Variants in ZFHX4 observed in about 807,000 individuals in gnomAD.
The protein encoded by ZFHX4 is zinc finger homeobox 4.
In ZFHX4, 56 loss-of-function variants were observed where a neutral mutation model predicts 267.6. That is an observed-to-expected ratio of 0.21 (90% CI 0.17 to 0.26). ZFHX4 has a LOEUF of 0.26. ZFHX4 is among the 10% of genes least tolerant of loss of function. The pLI, the probability that ZFHX4 is intolerant of heterozygous loss-of-function variation, is 1.00. For synonymous variants in ZFHX4, 1,778 were observed against 1,665.6 expected (o/e 1.07, Z -1.64); for missense variants, 4,332 against 4,420.0 (o/e 0.98, Z 0.56).
rs372114316 is a variant in ZFHX4 at position 76,852,930 on chromosome 8, G to A, written c.6009G>A (p.Pro2003=). 56 of 1,591,514 alleles carry A rather than the reference G, an allele frequency of 3.5e-5. No homozygotes were observed. The highest frequency in any genetic ancestry group is 4.2e-5 in the Non-Finnish European group (49 of 1,168,480). Residue 2003 remains proline (P), a synonymous_variant, in exon 10 of 11, where the codon CCG becomes CCA. Coordinates refer to ENST00000651372, the MANE Select transcript of ZFHX4 (RefSeq NM_024721.5). ...YPISPSSPET[P]PPPPPPPPLP... is the part of the protein sequence containing the mutation. ...TTTCTCCATCTTCTCCAGAAACGCC[G>A]CCCCCGCCACCTCCTCCTCCTCCCT...
intron 3 of ZFHX4, among the ~76,000 whole-genome samples, chr8:76,755,831 G>T (rs1809745884): frequency 1.3e-5 from 2 of 152,074 alleles, no homozygotes; most frequent in African/African-American, 4.8e-5. Context: ...TACAGTGTAT[G>T]TGGTTAAGCT....
At chr8:76,774,375 G>A (rs1167277200) in intron 3 of ZFHX4, among the ~76,000 whole-genome samples, 2 of 152,070 alleles carry the variant, frequency 1.3e-5, no homozygotes, top group Non-Finnish European at 2.9e-5. Context: ...AAAAATAGAC[G>A]TTCTTAAATT....
At chr8:76,738,520 A>T (rs983347043) in intron 3 of ZFHX4, among the ~76,000 whole-genome samples, 1 of 152,100 alleles carries the variant, frequency 6.6e-6, no homozygotes, top group Non-Finnish European at 1.5e-5. Flanking sequence ...CTTAATTTAG[A>T]ATATTCATTG....
Position 76,855,010 on chromosome 8 carries a change from C to T in ZFHX4, c.8089C>T (p.Arg2697Trp). Residue 2697 changes from arginine (R) to tryptophan (W), a missense_variant, in exon 10 of 11, where the codon CGG becomes TGG. Transcript: ENST00000651372. ...GGCCTTAGAAAGCCACATTCGCTCT[C>T]GGCACTGGAATGAAGGAAAGCAGGC... ...KSALESHIRSRHWNEGKQAGY... is the reference protein window; with the variant it reads ...KSALESHIRSWHWNEGKQAGY... 1.2e-6 allele frequency: 2 copies of T among 1,613,946 alleles called. No homozygotes were observed. The highest frequency in any genetic ancestry group is 1.7e-6 in the Non-Finnish European group (2 of 1,179,874).
At position 76,853,908 on chromosome 8, in the gene ZFHX4, G is replaced by A. The variant is rs748940445; in HGVS notation, c.6987G>A (p.Thr2329=). The change falls in exon 10 of 11, where the codon ACG becomes ACA. Residue 2329 remains threonine, a synonymous_variant. Transcript: ENST00000651372. ...TCCCCAGGATCTTTGACTTGATTACGCATCAGAAAAAGCAGTGTTACAAGG... is the reference window on the plus strand; with the variant it reads ...TCCCCAGGATCTTTGACTTGATTACACATCAGAAAAAGCAGTGTTACAAGG... ...VVFPRIFDLI[T]HQKKQCYKDE... is the part of the protein sequence containing the mutation. 5 of 1,613,738 alleles carry A rather than the reference G, an allele frequency of 3.1e-6. No individual in the cohort carries two copies. Among genetic ancestry groups the A allele is most frequent in the African/African-American group, 1.3e-5 (1 of 74,892 alleles).
Position 76,759,272 on chromosome 8 carries a change from TA to T in ZFHX4, c.3094-18928del, listed in dbSNP as rs201480322. ...ACATGATTTTATAAAGTAAAGGTGA[TA>T]AAAAAAATCTATTCCCCCGTTTGCT... On this transcript the variant is annotated intron_variant, in intron 3 of 10. Transcript: ENST00000651372. Among the ~76,000 whole-genome samples the T allele has an allele frequency of 6.6e-5, 10 of 152,214 alleles. No homozygotes were observed. In the South Asian group the frequency reaches 2.1e-3, roughly 32 times the overall value.
chr8:76,866,264 T>C lies in ZFHX4; in HGVS notation c.*1699T>C, dbSNP rs1813025156. 1 of 152,638 alleles carries C rather than the reference T, an allele frequency of 6.6e-6. No individual in the cohort carries two copies. Among genetic ancestry groups the C allele is most frequent in the Admixed American group, 6.5e-5 (1 of 15,268 alleles). 9.5% of individuals were successfully genotyped at this position (152,638 alleles called of 1,614,324 possible). On this transcript the variant is annotated 3_prime_UTR_variant, in exon 11 of 11. Coordinates refer to ENST00000651372, the MANE Select transcript of ZFHX4 (RefSeq NM_024721.5). ...AATGTATTGCTTTTGATATTTCTCT[T>C]CCGAGATGAACAAGTAGCATGTAAT...
In ZFHX4 at chr8:76,724,301, A is replaced by C. The variant is rs551199650; in HGVS notation, c.3093+16253A>C. ...TGATTATGCTAATCTTAGCTCCATT[A>C]GCATCTGTTCCTCTCTTCTTCAGAA... is the stretch of plus-strand genomic sequence containing the variant. On this transcript the variant is annotated intron_variant, in intron 3 of 10. Transcript: ENST00000651372. 4.6e-5 allele frequency among the ~76,000 whole-genome samples: 7 copies of C among 152,126 alleles called. No individual in the cohort carries two copies. The South Asian group carries it at 8.3e-4, about 18-fold the overall frequency.
chr8:76,768,209 T>G (rs1810102056), intron 3 of ZFHX4, among the ~76,000 whole-genome samples: 1 of 152,174 alleles, frequency 6.6e-6, no homozygotes, highest in Non-Finnish European at 1.5e-5. Flanking sequence ...TTCTGGCACA[T>G]AGAGAGCAAA....
At position 76,865,425 on chromosome 8, in the gene ZFHX4, G is replaced by T. The variant is rs1203068073; in HGVS notation, c.*860G>T. 1 of 152,362 alleles carries T rather than the reference G, an allele frequency of 6.6e-6. No individual in the cohort carries two copies. The highest frequency in any genetic ancestry group is 1.9e-4 in the East Asian group (1 of 5,184). The allele number at this position is 152,362 out of a possible 1,614,324, so 9.4% of individuals were successfully genotyped here. Reference sequence around the variant, plus strand: ...TCATTTGTGAATTTAATGCTATACTGTCAAGGTACTTGCTTGTGTCTGAAC... The same window carrying T: ...TCATTTGTGAATTTAATGCTATACTTTCAAGGTACTTGCTTGTGTCTGAAC... On this transcript the variant is annotated 3_prime_UTR_variant, in exon 11 of 11. Coordinates refer to ENST00000651372, the MANE Select transcript of ZFHX4 (RefSeq NM_024721.5).
At chr8:76,792,420 C>G (rs1810861525) in intron 4 of ZFHX4, among the ~76,000 whole-genome samples, 1 of 152,084 alleles carries the variant, frequency 6.6e-6, no homozygotes, top group East Asian at 1.9e-4. Flanking sequence ...ATTTGTGCCT[C>G]AAGGAGCAAA....
intron 1 of ZFHX4, among the ~76,000 whole-genome samples, chr8:76,688,926 T>C (rs1163020482): frequency 6.6e-6 from 1 of 152,192 alleles, no homozygotes; most frequent in Middle Eastern, 3.4e-3. Flanking sequence ...ACTATTAAGA[T>C]GGTTAGATGG....
In ZFHX4 at chr8:76,769,441, C is replaced by T. The variant is rs191032859; in HGVS notation, c.3094-8767C>T. Among the ~76,000 whole-genome samples the T allele has an allele frequency of 4.6e-5, 7 of 152,064 alleles. No homozygotes were observed. In the East Asian group the frequency reaches 1.4e-3, roughly 30 times the overall value. ...CACCATTCACTATGGCCTTGACCTC[C>T]CAGGCTTAAGCGATCCTCCTACTTC... On this transcript the variant is annotated intron_variant, in intron 3 of 10. Coordinates refer to ENST00000651372, the MANE Select transcript of ZFHX4 (RefSeq NM_024721.5).
intron 1 of ZFHX4, chr8:76,693,628 TA>T (rs1807879313): frequency 1.3e-5 from 2 of 152,226 alleles, no homozygotes; most frequent in Non-Finnish European, 1.5e-5. Flanking sequence ...CGCTGGAGAT[TA>T]TTTTTATTTG....
In ZFHX4 at chr8:76,866,407, G is replaced by A. The variant is rs1048094514; in HGVS notation, c.*1842G>A. On this transcript the variant is annotated 3_prime_UTR_variant, in exon 11 of 11. Coordinates refer to ENST00000651372, the MANE Select transcript of ZFHX4 (RefSeq NM_024721.5). ...GTTTTTGTTTCGGATGATGATCACAGCAATCTTTATTCTATACATTTTATG... is the reference window on the plus strand; with the variant it reads ...GTTTTTGTTTCGGATGATGATCACAACAATCTTTATTCTATACATTTTATG... 8.6e-5 allele frequency: 13 copies of A among 151,048 alleles called. No homozygotes were observed. Among genetic ancestry groups the A allele is most frequent in the Admixed American group, 6.6e-4 (10 of 15,106 alleles). The allele number at this position is 151,048 out of a possible 1,614,324, so 9.4% of individuals were successfully genotyped here.
Position 76,735,761 on chromosome 8 carries a change from C to T in ZFHX4, c.3093+27713C>T, listed in dbSNP as rs529848766. 1.1e-3 allele frequency among the ~76,000 whole-genome samples: 160 copies of T among 151,946 alleles called. 2 individuals are homozygous for T. The highest frequency in any genetic ancestry group is 4.7e-4 in the Non-Finnish European group (32 of 67,948). Reference sequence around the variant, plus strand: ...TAGTGTGCAATTTAGGTCAATGGATCGAGGGGAGAAGATGTGTTTAGGCGA... The same window carrying T: ...TAGTGTGCAATTTAGGTCAATGGATTGAGGGGAGAAGATGTGTTTAGGCGA... On this transcript the variant is annotated intron_variant, in intron 3 of 10. Transcript: ENST00000651372.
intron 3 of ZFHX4, among the ~76,000 whole-genome samples, chr8:76,713,278 T>TAGAA (rs1206209712): frequency 1.5e-5 from 2 of 136,096 alleles, no homozygotes; most frequent in African/African-American, 5.9e-5. Context: ...GAGAGATAGA[T>TAGAA]AGAAAGATAG....
chr8:76,816,364 C>T, intron 4 of ZFHX4, among the ~76,000 whole-genome samples: 1 of 152,146 alleles, frequency 6.6e-6, no homozygotes, highest in East Asian at 1.9e-4. Flanking sequence ...CCCTCTCCCA[C>T]CAAGTTGCTT....
Position 76,855,343 on chromosome 8 carries a change from A to G in ZFHX4, c.8422A>G (p.Thr2808Ala). 6.2e-7 allele frequency: 1 copy of G among 1,613,690 alleles called. No individual in the cohort carries two copies. The highest frequency in any genetic ancestry group is 8.5e-7 in the Non-Finnish European group (1 of 1,179,828). Residue 2808 changes from threonine to alanine, a missense_variant, in exon 10 of 11, where the codon ACG (threonine) becomes GCG (alanine). Physicochemically the swap from Thr to Ala is moderately conservative, Grantham distance 58. Transcript: ENST00000651372. ...TTTTGATGAGACTTCATCGATTAAT[A>G]CGGCAATCAGTGACGCCACCACCGG... Reference protein sequence around the residue: ...TDFDETSSINTAISDATTGDE... With the variant: ...TDFDETSSINAAISDATTGDE...
Sources: allele counts gnomAD v4.1 joint callset (sites outside exome capture counted in the v4.1 genomes callset), GRCh38; gene constraint gnomAD v4.1.1; transcripts MANE v1.5; gene names NCBI Gene and HGNC (gene_info 2026-07-23, HGNC 2026-07-21).